GRIP2: variants seen among roughly 807,000 people sequenced by gnomAD.
GRIP2 encodes the protein glutamate receptor interacting protein 2.
A neutral mutation model predicts 108.3 loss-of-function variants in GRIP2; 58 were observed. The ratio of observed to expected loss-of-function variants is 0.54; its 90% CI spans 0.43 to 0.67. The LOEUF (loss-of-function observed/expected upper bound fraction) is 0.67. Ranked by LOEUF, GRIP2 falls within the 30% of genes least tolerant of loss-of-function variation. The pLI, the probability that GRIP2 is intolerant of heterozygous loss-of-function variation, is 0.00. For missense variants in GRIP2, 1,278 were observed against 1,430.6 expected (o/e 0.89, Z 1.72); for synonymous variants, 586 against 598.2 (o/e 0.98, Z 0.30).
intron 20 of GRIP2, chr3:14,503,982 C>T (rs564377825): frequency 4.7e-5 from 18 of 385,322 alleles, no homozygotes; most frequent in Admixed American, 8.7e-5. Context: ...GACAAACAGA[C>T]GAACAGACAG....
chr3:14,573,057 T>C, the GRIP2 span: 8,169 of 1,388,380 alleles, frequency 5.9e-3, 563 homozygotes, highest in East Asian at 0.14. Context: ...GATGTAGCGC[T>C]AGAAGGCGAA....
the GRIP2 span, among the ~76,000 whole-genome samples, chr3:14,586,358 T>C: frequency 1.3e-5 from 2 of 152,224 alleles, no homozygotes; most frequent in African/African-American, 4.8e-5. Flanking sequence ...ACCCCAGCAC[T>C]TAGTGACTGG....
At chr3:14,568,146 G>A in the GRIP2 span, among the ~76,000 whole-genome samples, 6,053 of 152,298 alleles carry the variant, frequency 0.04, 187 homozygotes, top group Admixed American at 0.057. Flanking sequence ...CTCAGAGGGA[G>A]GTGGGAGCCA....
At chr3:14,572,733 G>A in the GRIP2 span, 12 of 510,958 alleles carry the variant, frequency 2.3e-5, no homozygotes, top group East Asian at 4.1e-4. Context: ...CTGTCTTCAG[G>A]AAACAGGCCA....
Position 14,511,601 on chromosome 3 carries a change from C to G in GRIP2, c.1721-122G>C. On this transcript the variant is annotated intron_variant, in intron 14 of 23. Transcript: ENST00000621039. The surrounding 1 kb of genome is among the most constrained non-coding windows in gnomAD (Gnocchi z 4.1). The stretch of plus-strand genomic sequence containing the variant: ...TCCTACTCACATCCTGGTCCCACTG[C>G]TTCCTGGCTGGGTGACCGTGAGCAA... The G allele has an allele frequency of 1.1e-6, 1 of 910,884 alleles. No individual in the cohort carries two copies. 56.4% of individuals were successfully genotyped at this position (910,884 alleles called of 1,614,324 possible).
At position 14,507,099 on chromosome 3, in the gene GRIP2, G is replaced by A; in HGVS notation, c.2219-119C>T. ...AGTAAGCCCTTCTGAGCTGACATAT[G>A]ACCATGGCACACTAATAAGCAAACC... On this transcript the variant is annotated intron_variant, in intron 18 of 23. Coordinates refer to ENST00000621039, the MANE Select transcript of GRIP2 (RefSeq NM_001080423.4). This position sits in a 1 kb window ranked among gnomAD's most constrained non-coding sequence, Gnocchi z 4.6. 1 of 958,390 alleles carries A rather than the reference G, an allele frequency of 1.0e-6. No individual in the cohort carries two copies. The highest frequency in any genetic ancestry group is 1.5e-6 in the Non-Finnish European group (1 of 645,854). The allele number at this position is 958,390 out of a possible 1,614,324, so 59.4% of individuals were successfully genotyped here.
chr3:14,510,621 CCTT>C (rs1041600520), intron 16 of GRIP2, among the ~76,000 whole-genome samples: 6 of 152,144 alleles, frequency 3.9e-5, no homozygotes, highest in African/African-American at 9.7e-5. Context: ...CCCACAGTAA[CCTT>C]CTTTCACAGA....
upstream of GRIP2, among the ~76,000 whole-genome samples, chr3:14,546,020 T>C (rs1695052455): frequency 6.6e-6 from 1 of 152,182 alleles, no homozygotes; most frequent in African/African-American, 2.4e-5. Context: ...AGTCACGATG[T>C]TGGCACAGAG....
At chr3:14,518,263 G>C (rs1291317980) in intron 9 of GRIP2, among the ~76,000 whole-genome samples, 1 of 152,234 alleles carries the variant, frequency 6.6e-6, no homozygotes. Flanking sequence ...GAGGAGTGCA[G>C]CTGGCAGACG....
chr3:14,512,750 G>A lies in GRIP2; in HGVS notation c.1720+27C>T, dbSNP rs1694133359. On this transcript the variant is annotated intron_variant, in intron 14 of 23. Coordinates refer to ENST00000621039, the MANE Select transcript of GRIP2 (RefSeq NM_001080423.4). The surrounding 1 kb of genome is among the most constrained non-coding windows in gnomAD (Gnocchi z 5.1). ...CCCAGCAGTTGAGCTCGCTCCCAGG[G>A]GCAAACAGCAGCGGGAGGAGACTCA... is the stretch of plus-strand genomic sequence containing the variant. 2 of 1,605,680 alleles carry A rather than the reference G, an allele frequency of 1.2e-6. No homozygotes were observed. The highest frequency in any genetic ancestry group is 2.2e-5 in the South Asian group (2 of 90,836).
At chr3:14,555,777 A>T in intron 1 of GRIP2, 1 of 399,416 alleles carries the variant, frequency 2.5e-6, no homozygotes, top group Non-Finnish European at 4.4e-6. Flanking sequence ...AGAGAGATGC[A>T]GCAGAGAAAC....
chr3:14,561,103 T>C, the GRIP2 span, among the ~76,000 whole-genome samples: 1 of 152,224 alleles, frequency 6.6e-6, no homozygotes, highest in African/African-American at 2.4e-5. Context: ...AGCTTGCTCA[T>C]TACCTGAGCC....
At chr3:14,543,205 T>G (rs1695005803), upstream of GRIP2, among the ~76,000 whole-genome samples, 1 of 152,172 alleles carries the variant, frequency 6.6e-6, no homozygotes, top group African/African-American at 2.4e-5. Flanking sequence ...CTCCTCCAAG[T>G]GCAGTCTGAG....
the GRIP2 span, among the ~76,000 whole-genome samples, chr3:14,564,578 T>C: frequency 6.6e-6 from 1 of 152,230 alleles, no homozygotes; most frequent in African/African-American, 2.4e-5. Context: ...TGACATTTCA[T>C]GAAAATGACA....
chr3:14,545,686 T>C (rs540860862), upstream of GRIP2, among the ~76,000 whole-genome samples: 108 of 152,316 alleles, frequency 7.1e-4, 1 homozygote, highest in African/African-American at 2.5e-3. Context: ...GATGAAGTTG[T>C]CTGTACTAAC....
chr3:14,514,366 G>A lies in GRIP2; in HGVS notation c.1419C>T (p.Gly473=), dbSNP rs559925867. 30 of 1,572,978 alleles carry A rather than the reference G, an allele frequency of 1.9e-5. No homozygotes were observed. Among genetic ancestry groups the A allele is most frequent in the South Asian group, 2.3e-5 (2 of 85,178 alleles). Residue 473 remains glycine, a synonymous_variant, in exon 12 of 24, where the codon GGC becomes GGT. Coordinates refer to ENST00000621039, the MANE Select transcript of GRIP2 (RefSeq NM_001080423.4). ...ACAGGGTCTCGGTGGCGAAGATGCCGCCCTGGAGCTGGAGGCCAAAGCCGC... is the reference window on the plus strand; with the variant it reads ...ACAGGGTCTCGGTGGCGAAGATGCCACCCTGGAGCTGGAGGCCAAAGCCGC... ...PLSGFGLQLQ[G]GIFATETLSS...
intron 1 of GRIP2, among the ~76,000 whole-genome samples, chr3:14,551,756 G>C (rs990951273): frequency 2.0e-5 from 3 of 152,164 alleles, no homozygotes; most frequent in Non-Finnish European, 4.4e-5. Context: ...ACGCCCCCGG[G>C]GTGAAATGTT....
rs1352456579 is a variant in GRIP2 at position 14,492,914 on chromosome 3, C to G, written c.*751G>C. 6.6e-6 allele frequency: 1 copy of G among 152,262 alleles called. No individual in the cohort carries two copies. The highest frequency in any genetic ancestry group is 1.5e-5 in the Non-Finnish European group (1 of 68,062). The allele number at this position is 152,262 out of a possible 1,614,324, so 9.4% of individuals were successfully genotyped here. On this transcript the variant is annotated 3_prime_UTR_variant, in exon 24 of 24. Coordinates refer to ENST00000621039, the MANE Select transcript of GRIP2 (RefSeq NM_001080423.4). ...GTCCCAGAAGCTTCAGACTGAGATGCTGAAATCAAAGAATCACCCACTTTC... is the reference window on the plus strand; with the variant it reads ...GTCCCAGAAGCTTCAGACTGAGATGGTGAAATCAAAGAATCACCCACTTTC...
the GRIP2 span, among the ~76,000 whole-genome samples, chr3:14,564,089 C>T: frequency 2.0e-5 from 3 of 152,192 alleles, no homozygotes; most frequent in Non-Finnish European, 4.4e-5. Context: ...TCTGATGGCT[C>T]CCAGACAATC....
Sources: gnomAD v4.1 joint callset for allele counts (sites outside exome capture counted in the v4.1 genomes callset) on GRCh38, gnomAD v4.1.1 for gene constraint, Gnocchi (gnomAD v3.1) non-coding constraint, MANE v1.5 for transcripts, NCBI Gene and HGNC (gene_info 2026-07-23, HGNC 2026-07-21) for gene names.